Variants in PARD3B observed in about 807,000 individuals in gnomAD.
The protein encoded by PARD3B is partitioning defective 3 homolog B.
A neutral mutation model predicts 130.2 loss-of-function variants in PARD3B; 103 were observed. The observed-to-expected ratio is 0.79, with a 90% CI of 0.67 to 0.93. The LOEUF (loss-of-function observed/expected upper bound fraction) is 0.93, where lower values mean the gene tolerates loss of function less well. Ranked by LOEUF, PARD3B falls within the 40% of genes least tolerant of loss-of-function variation. The pLI is 0.00. For missense variants in PARD3B, 1,609 were observed against 1,499.2 expected, an observed-to-expected ratio of 1.07 and a Z score of -1.21; for synonymous variants, 583 against 553.2, an observed-to-expected ratio of 1.05 and a Z score of -0.76.
chr2:205,373,969 T>C (rs905617668), intron 18 of PARD3B, among the ~76,000 whole-genome samples: 2 of 152,210 alleles, frequency 1.3e-5, no homozygotes, highest in Admixed American at 6.5e-5. Context: ...CTGTCTTCTA[T>C]AAACTTTCCA....
At chr2:205,362,785 A>G (rs900041468) in intron 18 of PARD3B, among the ~76,000 whole-genome samples, 32 of 152,226 alleles carry the variant, frequency 2.1e-4, no homozygotes, top group African/African-American at 7.5e-4. Context: ...AGGCAGATTA[A>G]TGGCCTGCCT....
At chr2:204,627,010 T>C (rs1185544256) in intron 1 of PARD3B, among the ~76,000 whole-genome samples, 1 of 152,152 alleles carries the variant, frequency 6.6e-6, no homozygotes, top group Non-Finnish European at 1.5e-5. Context: ...GTTTCCTCCA[T>C]GCTGTTCTCA....
chr2:204,587,744 A>G (rs2032891540), intron 1 of PARD3B, among the ~76,000 whole-genome samples: 1 of 152,040 alleles, frequency 6.6e-6, no homozygotes. Flanking sequence ...CCCCACCCAA[A>G]TCTCATCCTG....
chr2:205,340,262 T>C (rs1574746671), intron 18 of PARD3B, among the ~76,000 whole-genome samples: 1 of 152,110 alleles, frequency 6.6e-6, no homozygotes, highest in East Asian at 1.9e-4. Flanking sequence ...ATTCCTAAAA[T>C]CTACGTAGAA....
Position 205,249,870 on chromosome 2 carries a change from C to T in PARD3B, c.2185+4048C>T, listed in dbSNP as rs765333974. 5.7e-4 allele frequency among the ~76,000 whole-genome samples: 87 copies of T among 151,704 alleles called. 1 individual carries two copies. The highest frequency in any genetic ancestry group is 9.7e-4 in the East Asian group (5 of 5,172). ...TCATAGAGCCTTGAAAAACCAAAAA[C>T]GTCTTTAACCTCTTTCCTTGTTTCA... On this transcript the variant is annotated intron_variant, in intron 16 of 22. Coordinates refer to ENST00000406610, the MANE Select transcript of PARD3B (RefSeq NM_001302769.2).
chr2:204,859,566 A>G (rs1318779404), intron 2 of PARD3B, among the ~76,000 whole-genome samples: 1 of 152,238 alleles, frequency 6.6e-6, no homozygotes, highest in Non-Finnish European at 1.5e-5. Context: ...GTAGAACAAT[A>G]TAATTTCTTA....
chr2:205,109,306 A>C (rs1003602816), intron 5 of PARD3B, among the ~76,000 whole-genome samples: 1 of 152,152 alleles, frequency 6.6e-6, no homozygotes, highest in Non-Finnish European at 1.5e-5. Flanking sequence ...CCACAGATCT[A>C]TGAATCCACC....
intron 1 of PARD3B, among the ~76,000 whole-genome samples, chr2:204,566,308 G>C (rs2031667391): frequency 6.6e-6 from 1 of 152,224 alleles, no homozygotes; most frequent in African/African-American, 2.4e-5. Flanking sequence ...CGTCATGTTT[G>C]TAGACAAACC....
chr2:205,154,406 G>C (rs1018472994), intron 10 of PARD3B, among the ~76,000 whole-genome samples: 6 of 152,174 alleles, frequency 3.9e-5, no homozygotes, highest in Non-Finnish European at 8.8e-5. Context: ...AACAGGTGCT[G>C]GAGAGGATGT....
intron 19 of PARD3B, among the ~76,000 whole-genome samples, chr2:205,433,390 G>A (rs532569020): frequency 2.5e-4 from 38 of 152,184 alleles, no homozygotes; most frequent in African/African-American, 8.9e-4. Context: ...AAATTAGCCA[G>A]GCATGGTGAC....
At chr2:204,733,176 C>G (rs755640152) in intron 2 of PARD3B, among the ~76,000 whole-genome samples, 2 of 152,052 alleles carry the variant, frequency 1.3e-5, no homozygotes, top group Non-Finnish European at 2.9e-5. Context: ...AGAATAACGA[C>G]TGTAATAGAT....
chr2:205,201,235 C>A (rs746039195), intron 15 of PARD3B, among the ~76,000 whole-genome samples: 2 of 152,056 alleles, frequency 1.3e-5, no homozygotes, highest in Non-Finnish European at 2.9e-5. Context: ...TTGAAAGACT[C>A]ACATATGTTT....
In PARD3B at chr2:205,564,195, T is replaced by C. The variant is rs1186321617; in HGVS notation, c.3260+10792T>C. 1.3e-5 allele frequency among the ~76,000 whole-genome samples: 2 copies of C among 152,276 alleles called. No individual in the cohort carries two copies. The highest frequency in any genetic ancestry group is 6.5e-5 in the Admixed American group (1 of 15,296). ...CTGGGCTTTCTGCAGCATCAAGGTG[T>C]CTGGTACTAGGCTGGTTGTAAACAG... is the stretch of plus-strand genomic sequence containing the variant. On this transcript the variant is annotated intron_variant, in intron 22 of 22. Transcript: ENST00000406610. The surrounding 1 kb of genome is among the most constrained non-coding windows in gnomAD (Gnocchi z 4.6).
chr2:205,499,902 T>A lies in PARD3B; in HGVS notation c.3051T>A (p.Arg1017=), dbSNP rs1343898052. Reference sequence around the variant, plus strand: ...ATTTGTCTATATCCTGTAGTGGCCGTCCTACGGGTGGAAGCACTGACCGTA... The same window carrying A: ...ATTTGTCTATATCCTGTAGTGGCCGACCTACGGGTGGAAGCACTGACCGTA... ...YHPLVPADSG[R]PTGGSTDRIQ... The change falls in exon 21 of 23, where the codon CGT becomes CGA. Residue 1017 remains arginine (R), a synonymous_variant. Transcript: ENST00000406610. 1.9e-6 allele frequency: 3 copies of A among 1,613,478 alleles called. No individual in the cohort carries two copies. The Admixed American group carries it at 5.0e-5, about 27-fold the overall frequency.
intron 3 of PARD3B, among the ~76,000 whole-genome samples, chr2:205,002,927 C>T (rs1694961128): frequency 6.6e-6 from 1 of 152,190 alleles, no homozygotes; most frequent in African/African-American, 2.4e-5. Flanking sequence ...TGGGAGAAAA[C>T]TCCTTGTAGG....
intron 16 of PARD3B, among the ~76,000 whole-genome samples, chr2:205,246,801 G>GATAA (rs2039591762): frequency 6.6e-6 from 1 of 152,124 alleles, no homozygotes; most frequent in Non-Finnish European, 1.5e-5. Context: ...TGTGATAACA[G>GATAA]CAGGGAAGGG....
At chr2:204,864,866 C>A (rs2045347514) in intron 2 of PARD3B, among the ~76,000 whole-genome samples, 1 of 152,094 alleles carries the variant, frequency 6.6e-6, no homozygotes, top group South Asian at 2.1e-4. Context: ...TAACACTCTT[C>A]TGATGTGACA....
intron 1 of PARD3B, among the ~76,000 whole-genome samples, chr2:204,595,661 C>T (rs2033255177): frequency 6.6e-6 from 1 of 152,210 alleles, no homozygotes; most frequent in African/African-American, 2.4e-5. Context: ...TTTGTGAGGT[C>T]TTTTTATCAC....
intron 1 of PARD3B, among the ~76,000 whole-genome samples, chr2:204,622,014 G>A (rs2034319563): frequency 6.6e-6 from 1 of 152,148 alleles, no homozygotes; most frequent in Non-Finnish European, 1.5e-5. Flanking sequence ...TTTCAAGGGG[G>A]TGAGGGGCAG....
Sources: gnomAD v4.1 joint callset for allele counts (sites outside exome capture counted in the v4.1 genomes callset) on GRCh38, gnomAD v4.1.1 for gene constraint, Gnocchi (gnomAD v3.1) non-coding constraint, MANE v1.5 for transcripts, NCBI Gene and HGNC (gene_info 2026-07-23, HGNC 2026-07-21) for gene names.